SNX16: variants seen among roughly 807,000 people sequenced by gnomAD.
SNX16 encodes the protein sorting nexin-16.
A neutral mutation model predicts 36.7 loss-of-function variants in SNX16; 35 were observed. The ratio of observed to expected loss-of-function variants is 0.95; its 90% CI spans 0.73 to 1.27. SNX16 has a LOEUF of 1.27. Among genes scored for constraint, SNX16 ranks in the 50% most tolerant of loss-of-function variants. SNX16 has a pLI of 0.00. For missense variants in SNX16, 367 were observed against 393.6 expected, an observed-to-expected ratio of 0.93 and a Z score of 0.57; for synonymous variants, 134 against 132.0, an observed-to-expected ratio of 1.02 and a Z score of -0.10.
At chr8:81,823,684 C>A in intron 4 of SNX16, 108 bp downstream of exon 4, 1 of 966,606 alleles carries the variant, frequency 1.0e-6, no homozygotes, top group Non-Finnish European at 1.5e-6. Flanking sequence ...TAATTATACT[C>A]CAACCCTGTA....
chr8:81,813,759 G>T (rs1350890683), intron 5 of SNX16, among the ~76,000 whole-genome samples: 1 of 151,714 alleles, frequency 6.6e-6, no homozygotes, highest in East Asian at 1.9e-4. Context: ...TAAAAAATGG[G>T]CAAGACGTGA....
At chr8:81,824,680 C>G (rs1200325175) in intron 3 of SNX16, among the ~76,000 whole-genome samples, 1 of 152,060 alleles carries the variant, frequency 6.6e-6, no homozygotes, top group Non-Finnish European at 1.5e-5. Context: ...CTTTCCCAAC[C>G]CTGTAAACTA....
intron 5 of SNX16, among the ~76,000 whole-genome samples, chr8:81,804,810 A>G (rs1275560900): frequency 1.3e-5 from 2 of 152,120 alleles, no homozygotes; most frequent in African/African-American, 4.8e-5. Flanking sequence ...GACAGAATGC[A>G]GTTCAAGGTG....
At chr8:81,820,088 A>G (rs1203809633) in intron 4 of SNX16, among the ~76,000 whole-genome samples, 3 of 152,116 alleles carry the variant, frequency 2.0e-5, no homozygotes, top group South Asian at 2.1e-4. Context: ...TGCCATTCCA[A>G]CTGTACCAGA....
chr8:81,813,416 C>A (rs62514326), intron 5 of SNX16, among the ~76,000 whole-genome samples: 3,274 of 151,568 alleles, frequency 0.022, 47 homozygotes, highest in Non-Finnish European at 0.031. Context: ...AGACCCTTAC[C>A]TAATACCTTA....
intron 5 of SNX16, among the ~76,000 whole-genome samples, chr8:81,812,897 T>G (rs954700683): frequency 6.6e-6 from 1 of 151,982 alleles, no homozygotes; most frequent in Non-Finnish European, 1.5e-5. Flanking sequence ...AACGGAGAGA[T>G]ATTGGAGCCA....
rs1585991378 is a variant in SNX16, at chr8:81,815,406, A to G, written c.612-12T>C. 3.2e-6 allele frequency: 4 copies of G among 1,237,232 alleles called. No individual in the cohort carries two copies. The highest frequency in any genetic ancestry group is 1.6e-5 in the South Asian group (1 of 63,726). 76.6% of individuals were successfully genotyped at this position (1,237,232 alleles called of 1,614,324 possible). Reference sequence around the variant, plus strand: ...CTCTCACTGCAAGGCTTTTCAAAGGAAAAAAAAAATGATCTGAAGTACAAA... The same window carrying G: ...CTCTCACTGCAAGGCTTTTCAAAGGGAAAAAAAAATGATCTGAAGTACAAA... On this transcript the variant is annotated splice_polypyrimidine_tract_variant and intron_variant, in intron 4 of 7. Coordinates refer to ENST00000345957, the MANE Select transcript of SNX16 (RefSeq NM_152836.3).
intron 2 of SNX16, among the ~76,000 whole-genome samples, chr8:81,832,495 C>T (rs1811315327): frequency 6.6e-6 from 1 of 151,900 alleles, no homozygotes; most frequent in African/African-American, 2.4e-5. Context: ...CATTAGTATC[C>T]CGCAATATAC....
At chr8:81,806,721 G>GA (rs754235017) in intron 5 of SNX16, among the ~76,000 whole-genome samples, 14 of 151,882 alleles carry the variant, frequency 9.2e-5, no homozygotes, top group Non-Finnish European at 1.8e-4. Flanking sequence ...TACGTATTAG[G>GA]AAAAAACACA....
At chr8:81,807,854 A>G in intron 5 of SNX16, 1 of 764,630 alleles carries the variant, frequency 1.3e-6, no homozygotes, top group Non-Finnish European at 2.4e-6. Context: ...ACAATTGATG[A>G]GAGCCTGAGG....
At chr8:81,820,227 A>G (rs573310800) in intron 4 of SNX16, among the ~76,000 whole-genome samples, 1 of 117,128 alleles carries the variant, frequency 8.5e-6, no homozygotes, top group East Asian at 1.9e-4. Flanking sequence ...CTCCCTTAGG[A>G]GGGATTTCCC....
intron 4 of SNX16, among the ~76,000 whole-genome samples, chr8:81,821,945 C>A (rs544436158): frequency 1.8e-4 from 28 of 152,230 alleles, no homozygotes; most frequent in African/African-American, 6.5e-4. Context: ...TAGCCTTTCT[C>A]AACTGAGATT....
At chr8:81,815,436 T>C in intron 4 of SNX16, 42 bp from the exon 5 acceptor site, 2 of 1,579,926 alleles carry the variant, frequency 1.3e-6, no homozygotes, top group Non-Finnish European at 1.7e-6. Context: ...TACAAATAAG[T>C]TTGCAAAAGA....
intron 3 of SNX16, among the ~76,000 whole-genome samples, chr8:81,826,913 C>G (rs1302645210): frequency 6.6e-6 from 1 of 152,144 alleles, no homozygotes; most frequent in African/African-American, 2.4e-5. Flanking sequence ...ATGCTGAACT[C>G]TATCTACTCA....
chr8:81,802,329 T>A, intron 7 of SNX16, 51 bp downstream of exon 7: 1 of 1,488,104 alleles, frequency 6.7e-7, no homozygotes, highest in Non-Finnish European at 9.1e-7. Context: ...TTAGAATCAC[T>A]TTCCTCCAAT....
intron 6 of SNX16, 80 bp from the exon 7 acceptor site, chr8:81,802,579 T>A: frequency 8.5e-7 from 1 of 1,172,112 alleles, no homozygotes; most frequent in Non-Finnish European, 1.2e-6. Context: ...CAGGTAGCTA[T>A]AGCAGTCTTT....
In SNX16 at chr8:81,803,237, AAAC is replaced by A. The variant is rs1188930628; in HGVS notation, c.682-12_682-10del. Reference sequence around the variant, plus strand: ...AAAGTTTCACAGAATGCCTTAAAAAAAACAACAAACAAAACTAAACACATGCAG... The same window carrying A: ...AAAGTTTCACAGAATGCCTTAAAAAAAACAAACAAAACTAAACACATGCAG... On this transcript the variant is annotated splice_polypyrimidine_tract_variant and intron_variant, in intron 5 of 7. Coordinates refer to ENST00000345957, the MANE Select transcript of SNX16 (RefSeq NM_152836.3). The A allele has an allele frequency of 3.0e-5, 47 of 1,591,392 alleles. No homozygotes were observed. The highest frequency in any genetic ancestry group is 4.0e-5 in the Non-Finnish European group (47 of 1,173,412).
intron 5 of SNX16, among the ~76,000 whole-genome samples, chr8:81,806,672 A>G (rs1300515059): frequency 1.3e-5 from 2 of 152,184 alleles, no homozygotes; most frequent in African/African-American, 4.8e-5. Flanking sequence ...CAAAGAATCT[A>G]TCTAGCAAAA....
At chr8:81,802,977 C>A in intron 6 of SNX16, 115 bp downstream of exon 6, 1 of 818,012 alleles carries the variant, frequency 1.2e-6, no homozygotes, top group Non-Finnish European at 1.7e-6. Flanking sequence ...ATGCCAAAAG[C>A]CTACAACTTT....
Sources: gnomAD v4.1 joint callset for allele counts (sites outside exome capture counted in the v4.1 genomes callset) on GRCh38, gnomAD v4.1.1 for gene constraint, MANE v1.5 for transcripts, NCBI Gene and HGNC (gene_info 2026-07-23, HGNC 2026-07-21) for gene names.